Variants in UBE2V1 observed in about 807,000 individuals in gnomAD.
The protein encoded by UBE2V1 is ubiquitin conjugating enzyme E2 V1, also known as ubiquitin-conjugating enzyme E2 variant 1.
Under a neutral mutation model 19.6 loss-of-function variants are expected in UBE2V1, and 15 were observed. The observed-to-expected ratio is 0.77, with a 90% confidence interval of 0.51 to 1.18. The LOEUF (loss-of-function observed/expected upper bound fraction) is 1.18, where lower values mean the gene tolerates loss of function less well. Among genes scored for constraint, UBE2V1 ranks in the 50% most tolerant of loss-of-function variants. UBE2V1 has a pLI of 0.00. For missense variants in UBE2V1, 125 were observed against 184.8 expected (o/e 0.68, Z 1.88); for synonymous variants, 60 against 60.7 (o/e 0.99, Z 0.05).
At chr20:50,092,467 G>A (rs998806090) in intron 2 of UBE2V1, among the ~76,000 whole-genome samples, 1 of 152,138 alleles carries the variant, frequency 6.6e-6, no homozygotes, top group African/African-American at 2.4e-5. Context: ...AATGGAGACG[G>A]GGGTACTGCT....
At chr20:50,111,346 AG>A in intron 1 of UBE2V1, 2 of 997,714 alleles carry the variant, frequency 2.0e-6, no homozygotes, top group Non-Finnish European at 2.4e-6. Flanking sequence ...CCCAGATTGT[AG>A]GTAGCCAACC....
In UBE2V1 at chr20:50,082,733, G is replaced by C. The variant is rs773415961; in HGVS notation, c.*35C>G. ...ATGAAGACTGATTAAATCGAATTGG[G>C]GGGAAGGGGAAGGGCCTGTGGTTTT... is the stretch of plus-strand genomic sequence containing the variant. On this transcript the variant is annotated 3_prime_UTR_variant, in exon 4 of 4. Coordinates refer to ENST00000371674, the MANE Select transcript of UBE2V1 (RefSeq NM_001032288.3). The C allele has an allele frequency of 3.8e-6, 6 of 1,599,624 alleles. No homozygotes were observed. The highest frequency in any genetic ancestry group is 5.1e-6 in the Non-Finnish European group (6 of 1,177,890).
At chr20:50,091,689 C>T (rs576318392) in intron 2 of UBE2V1, among the ~76,000 whole-genome samples, 2 of 152,114 alleles carry the variant, frequency 1.3e-5, no homozygotes, top group East Asian at 3.9e-4. Flanking sequence ...TACCACGCCC[C>T]GCCTCAAAGC....
At chr20:50,113,827 A>T (rs1338704984), upstream of UBE2V1, among the ~76,000 whole-genome samples, 1 of 152,096 alleles carries the variant, frequency 6.6e-6, no homozygotes, top group Admixed American at 6.6e-5. Flanking sequence ...ACAAACAAAC[A>T]TTAAGCACCT....
intron 2 of UBE2V1, among the ~76,000 whole-genome samples, chr20:50,086,870 G>A (rs2078944008): frequency 1.3e-5 from 2 of 152,342 alleles, no homozygotes; most frequent in East Asian, 1.9e-4. Flanking sequence ...AAGGTCAGTA[G>A]ATCGAGACCA....
At position 50,109,420 on chromosome 20, in the gene UBE2V1, T is replaced by C. The variant is rs1490895667; in HGVS notation, c.22+3687A>G. 2.6e-5 allele frequency among the ~76,000 whole-genome samples: 4 copies of C among 152,038 alleles called. No individual in the cohort carries two copies. In the East Asian group the frequency reaches 7.7e-4, roughly 29 times the overall value. ...CAGTTAACATGAAGGGGGAAAATCA[T>C]GATCATCAAAATTAACCTTGGTAAT... On this transcript the variant is annotated intron_variant, in intron 1 of 3. Coordinates refer to ENST00000371674, the MANE Select transcript of UBE2V1 (RefSeq NM_001032288.3).
chr20:50,095,598 C>G (rs1019293503), intron 2 of UBE2V1, among the ~76,000 whole-genome samples: 7 of 152,200 alleles, frequency 4.6e-5, no homozygotes, highest in South Asian at 2.1e-4. Flanking sequence ...TGTTCCAGCC[C>G]GGGCCACGCC....
chr20:50,108,499 T>C (rs755428853), intron 1 of UBE2V1, among the ~76,000 whole-genome samples: 1 of 152,172 alleles, frequency 6.6e-6, no homozygotes, highest in African/African-American at 2.4e-5. Context: ...GCACGTGTCC[T>C]GAAGCAACAC....
At chr20:50,094,568 A>G (rs1320232703) in intron 2 of UBE2V1, among the ~76,000 whole-genome samples, 1 of 152,152 alleles carries the variant, frequency 6.6e-6, no homozygotes, top group African/African-American at 2.4e-5. Context: ...GTATTGATAG[A>G]TGCTACAATA....
intron 3 of UBE2V1, 115 bp from the exon 4 acceptor site, chr20:50,083,029 G>A (rs1238837313): frequency 2.0e-6 from 3 of 1,486,570 alleles, no homozygotes; most frequent in Non-Finnish European, 2.7e-6. Flanking sequence ...AGCTGAACCT[G>A]CTGCTAATCC....
intron 2 of UBE2V1, among the ~76,000 whole-genome samples, chr20:50,089,193 G>A (rs1028691441): frequency 6.6e-6 from 1 of 152,208 alleles, no homozygotes; most frequent in Non-Finnish European, 1.5e-5. Flanking sequence ...TAAGGGAGGG[G>A]GGGATAAGCT....
At chr20:50,099,302 G>T (rs1195272889) in intron 1 of UBE2V1, among the ~76,000 whole-genome samples, 2 of 152,120 alleles carry the variant, frequency 1.3e-5, no homozygotes. Context: ...CCTTGATCTT[G>T]GGCTTCTGGT....
At chr20:50,106,459 T>G (rs1398928342) in intron 1 of UBE2V1, among the ~76,000 whole-genome samples, 2 of 152,194 alleles carry the variant, frequency 1.3e-5, no homozygotes, top group African/African-American at 2.4e-5. Flanking sequence ...AAACATCTTT[T>G]GGGAAAATCA....
At chr20:50,115,552 A>G (rs1569034620), upstream of UBE2V1, 1 of 1,583,690 alleles carries the variant, frequency 6.3e-7, no homozygotes, top group Non-Finnish European at 8.6e-7. Flanking sequence ...ACTTCAGGTA[A>G]GACGCTTGAA....
In UBE2V1 at chr20:50,081,542, G is replaced by C. The variant is rs2078645276; in HGVS notation, c.*1226C>G. 6.5e-6 allele frequency: 1 copy of C among 153,100 alleles called. No homozygotes were observed. The highest frequency in any genetic ancestry group is 1.5e-5 in the Non-Finnish European group (1 of 68,348). 9.5% of individuals were successfully genotyped at this position (153,100 alleles called of 1,614,324 possible). On this transcript the variant is annotated 3_prime_UTR_variant, in exon 4 of 4. Coordinates refer to ENST00000371674, the MANE Select transcript of UBE2V1 (RefSeq NM_001032288.3). ...TCCCTGCTGAGGATCTTGGGAAGCA[G>C]CAGCAGCACCAAAACCAAGGCATGC...
intron 2 of UBE2V1, among the ~76,000 whole-genome samples, chr20:50,090,437 G>A (rs184801052): frequency 6.8e-6 from 1 of 146,584 alleles, no homozygotes; most frequent in East Asian, 2.0e-4. Flanking sequence ...TGGCGCCACT[G>A]CACTCCAGCC....
chr20:50,096,958 A>G (rs2079663899), intron 1 of UBE2V1, 138 bp from the exon 2 acceptor site: 1 of 1,375,488 alleles, frequency 7.3e-7, no homozygotes, highest in East Asian at 2.4e-5. Flanking sequence ...TCACACCTCA[A>G]ACTTGCTACT....
intron 1 of UBE2V1, among the ~76,000 whole-genome samples, chr20:50,112,480 C>A (rs1301131982): frequency 2.0e-5 from 3 of 152,138 alleles, no homozygotes; most frequent in East Asian, 3.9e-4. Flanking sequence ...CATGCGGAGA[C>A]CCCCTTCATT....
chr20:50,096,476 T>A, intron 2 of UBE2V1, 196 bp downstream of exon 2: 2 of 1,428,918 alleles, frequency 1.4e-6, no homozygotes, highest in Non-Finnish European at 1.9e-6. Flanking sequence ...AACAGGTTTT[T>A]GCTTACCATT....
Sources: gnomAD v4.1 joint callset for allele counts (sites outside exome capture counted in the v4.1 genomes callset) on GRCh38, gnomAD v4.1.1 for gene constraint, MANE v1.5 for transcripts, NCBI Gene and HGNC (gene_info 2026-07-23, HGNC 2026-07-21) for gene names.